PDXDC1: variants seen among roughly 807,000 people sequenced by gnomAD.
PDXDC1 encodes the protein pyridoxal dependent decarboxylase domain containing 1, also known as pyridoxal-dependent decarboxylase domain-containing protein 1.
In PDXDC1, 42 loss-of-function variants were observed where a neutral mutation model predicts 100.1. The observed-to-expected ratio is 0.42, with a 90% CI of 0.33 to 0.54. The LOEUF is 0.54. PDXDC1 is among the 20% of genes least tolerant of loss of function. PDXDC1 has a pLI of 0.10. For missense variants in PDXDC1, 636 were observed against 979.2 expected, an observed-to-expected ratio of 0.65 and a Z score of 4.68; for synonymous variants, 260 against 371.7, an observed-to-expected ratio of 0.70 and a Z score of 3.46.
intron 16 of PDXDC1, chr16:15,134,880 G>C (rs917497688): frequency 8.9e-5 from 29 of 327,126 alleles, no homozygotes; most frequent in Non-Finnish European, 1.4e-4. Context: ...ACAGCAGCAG[G>C]AGCAGCCACC....
chr16:15,055,121 C>G (rs2044452451), intron 16 of PDXDC1, among the ~76,000 whole-genome samples: 2 of 152,170 alleles, frequency 1.3e-5, no homozygotes, highest in African/African-American at 2.4e-5. Flanking sequence ...AATCAAGGAA[C>G]TGATTGATTC....
chr16:14,981,345 C>A (rs1192023952), intron 1 of PDXDC1, among the ~76,000 whole-genome samples: 1 of 152,402 alleles, frequency 6.6e-6, no homozygotes, highest in South Asian at 2.1e-4. Flanking sequence ...AATCATTCAA[C>A]CTTCATCTCT....
intron 16 of PDXDC1, chr16:15,132,680 G>C: frequency 9.4e-6 from 7 of 741,134 alleles, no homozygotes; most frequent in Non-Finnish European, 1.6e-5. Flanking sequence ...CAGTACCCTG[G>C]CAGGCATGCG....
intron 16 of PDXDC1, chr16:15,074,902 A>T (rs376075011): frequency 6.4e-7 from 1 of 1,570,788 alleles, no homozygotes; most frequent in Admixed American, 1.8e-5. Flanking sequence ...AAAAAATTCA[A>T]TGTCAAAGTG....
At chr16:15,136,308 C>T (rs1462485425) in intron 16 of PDXDC1, among the ~76,000 whole-genome samples, 1 of 152,196 alleles carries the variant, frequency 6.6e-6, no homozygotes, top group Non-Finnish European at 1.5e-5. Context: ...CCCACGGGGC[C>T]TGTGGGCACC....
At chr16:15,141,864 C>G (rs757822457), downstream of PDXDC1, among the ~76,000 whole-genome samples, 8 of 152,216 alleles carry the variant, frequency 5.3e-5, no homozygotes, top group Non-Finnish European at 1.2e-4. Flanking sequence ...AGGGGGAACA[C>G]TGTGCTGTAA....
chr16:14,983,596 A>T (rs1968526227), intron 1 of PDXDC1, among the ~76,000 whole-genome samples: 2 of 152,160 alleles, frequency 1.3e-5, no homozygotes, highest in Non-Finnish European at 2.9e-5. Flanking sequence ...AAAAAAAAAA[A>T]AAAGCCTTCT....
chr16:14,977,268 ACTTT>A (rs1966895739), intron 1 of PDXDC1, among the ~76,000 whole-genome samples: 1 of 65,448 alleles, frequency 1.5e-5, no homozygotes, highest in African/African-American at 5.2e-5. Context: ...TATGGGACTT[ACTTT>A]TTTTTTTTTT....
intron 16 of PDXDC1, among the ~76,000 whole-genome samples, chr16:15,068,887 A>G (rs1453818837): frequency 1.3e-5 from 2 of 152,216 alleles, no homozygotes; most frequent in Non-Finnish European, 2.9e-5. Flanking sequence ...ACCAACTTGT[A>G]CTTAAGTATA....
chr16:14,985,314 G>C (rs1969096514), intron 1 of PDXDC1, among the ~76,000 whole-genome samples: 1 of 134,048 alleles, frequency 7.5e-6, no homozygotes, highest in East Asian at 2.3e-4. Flanking sequence ...TTGAGACGGA[G>C]TCTTGGTCTG....
intron 8 of PDXDC1, among the ~76,000 whole-genome samples, chr16:15,011,259 T>C (rs1389556518): frequency 6.6e-6 from 1 of 152,308 alleles, no homozygotes; most frequent in Non-Finnish European, 1.5e-5. Context: ...GTGAAGTATA[T>C]GGACACTTCA....
At chr16:14,992,232 A>G (rs541532531) in intron 1 of PDXDC1, among the ~76,000 whole-genome samples, 6 of 152,410 alleles carry the variant, frequency 3.9e-5, no homozygotes, top group African/African-American at 1.4e-4. Flanking sequence ...AAAAGGCATC[A>G]GTATCATTAG....
intron 12 of PDXDC1, among the ~76,000 whole-genome samples, chr16:15,021,708 T>C (rs1248040893): frequency 2.0e-5 from 3 of 152,284 alleles, no homozygotes; most frequent in African/African-American, 4.8e-5. Context: ...AATAAATGCA[T>C]GTGTTAAATT....
chr16:15,147,290 T>C, the PDXDC1 span, among the ~76,000 whole-genome samples: 2 of 152,174 alleles, frequency 1.3e-5, no homozygotes, highest in African/African-American at 4.8e-5. Flanking sequence ...TGTCTGTCTA[T>C]AAACCAGGGC....
chr16:15,148,513 G>C, the PDXDC1 span, among the ~76,000 whole-genome samples: 28 of 149,870 alleles, frequency 1.9e-4, no homozygotes, highest in South Asian at 5.5e-3. Flanking sequence ...CTCTTGAATA[G>C]CTGGGACCAC....
intron 16 of PDXDC1, among the ~76,000 whole-genome samples, chr16:15,079,656 G>A (rs1425807242): frequency 1.3e-5 from 2 of 151,118 alleles, no homozygotes; most frequent in Admixed American, 6.6e-5. Flanking sequence ...GCAGTGGCAC[G>A]ATCTCAGCTC....
At chr16:14,975,809 C>A (rs1966745018) in intron 1 of PDXDC1, among the ~76,000 whole-genome samples, 1 of 152,282 alleles carries the variant, frequency 6.6e-6, no homozygotes, top group South Asian at 2.1e-4. Context: ...CCGCCCCGCT[C>A]CCACTCCGCC....
intron 16 of PDXDC1, chr16:15,047,326 C>T (rs760105095): frequency 2.8e-6 from 2 of 723,914 alleles, no homozygotes; most frequent in South Asian, 1.6e-5. Context: ...TCCAGGGGAA[C>T]GAGGCAGACA....
intron 1 of PDXDC1, chr16:14,989,986 C>T (rs1201653954): frequency 1.3e-5 from 19 of 1,461,184 alleles, no homozygotes; most frequent in Admixed American, 5.1e-5. Flanking sequence ...GGCTCGGTGG[C>T]GCCCGGCTCA....
Sources: allele counts gnomAD v4.1 joint callset (sites outside exome capture counted in the v4.1 genomes callset), GRCh38; gene constraint gnomAD v4.1.1; transcripts MANE v1.5; gene names NCBI Gene and HGNC (gene_info 2026-07-23, HGNC 2026-07-21).